The following ELP1 variants were observed in gnomAD, a reference collection of about 807,000 sequenced individuals.
The protein encoded by ELP1 is elongator complex protein 1.
A neutral mutation model predicts 183.2 loss-of-function variants in ELP1; 131 were observed. The ratio of observed to expected loss-of-function variants is 0.72; its 90% CI spans 0.62 to 0.83. The LOEUF is 0.83. Among genes scored for constraint, ELP1 ranks in the 40% least tolerant of loss-of-function variants. The pLI, the probability that ELP1 is intolerant of heterozygous loss-of-function variation, is 0.00. For missense variants in ELP1, 1,550 were observed against 1,594.9 expected, an observed-to-expected ratio of 0.97 and a Z score of 0.48; for synonymous variants, 555 against 569.0, an observed-to-expected ratio of 0.98 and a Z score of 0.35.
At chr9:108,878,553 C>T in intron 34 of ELP1, 70 bp downstream of exon 34, 1 of 1,599,404 alleles carries the variant, frequency 6.3e-7, no homozygotes, top group South Asian at 1.1e-5. Flanking sequence ...ACCTACTGAA[C>T]TCTGCCTGTC....
rs538433620 is a variant in ELP1 at position 108,868,933 on chromosome 9, T to C, written c.*182A>G. 4.5e-6 allele frequency: 3 copies of C among 670,818 alleles called. No homozygotes were observed. Among genetic ancestry groups the C allele is most frequent in the East Asian group, 5.4e-5 (2 of 37,070 alleles). 41.6% of individuals were successfully genotyped at this position (670,818 alleles called of 1,614,324 possible). A position where few individuals can be genotyped will look rare whatever the true frequency, so the allele number is the denominator to read the frequency against. On this transcript the variant is annotated 3_prime_UTR_variant, in exon 37 of 37. Coordinates refer to ENST00000374647, the MANE Select transcript of ELP1 (RefSeq NM_003640.5). ...ATGTCTTGCTAATGATCAAGATGTA[T>C]ACACAACATAAAATAAATAGAATTG...
Position 108,897,042 on chromosome 9 carries a change from A to G in ELP1, c.2502-4T>C. On this transcript the variant is annotated splice_region_variant and splice_polypyrimidine_tract_variant and intron_variant, in intron 23 of 36. Transcript: ENST00000374647. ...TGTAAGTATGGATAGGCAGTATCTGAGGTAATAAGTGAAGAACACCAGAAT... is the reference window on the plus strand; with the variant it reads ...TGTAAGTATGGATAGGCAGTATCTGGGGTAATAAGTGAAGAACACCAGAAT... 1.2e-6 allele frequency: 2 copies of G among 1,613,762 alleles called. No homozygotes were observed. The highest frequency in any genetic ancestry group is 2.7e-5 in the African/African-American group (2 of 75,044).
chr9:108,872,117 T>C (rs1403619748), intron 36 of ELP1, among the ~76,000 whole-genome samples: 1 of 152,238 alleles, frequency 6.6e-6, no homozygotes, highest in Non-Finnish European at 1.5e-5. Context: ...TTTACGATAT[T>C]ACATTAAACG....
Position 108,899,887 on chromosome 9 carries a change from C to G in ELP1, c.2139G>C (p.Arg713Ser). 6.2e-7 allele frequency: 1 copy of G among 1,613,792 alleles called. No homozygotes were observed. The highest frequency in any genetic ancestry group is 1.7e-5 in the Admixed American group (1 of 60,020). The part of the protein sequence containing the change: ...QDTKLVLQMP[R>S]GNLEVVHHRA... ...GATGATGAACAACTTCTAAGTTTCC[C>G]CTTGGCATCTTAAATAAATTAAAGC... The change falls in exon 20 of 37, where the codon AGG becomes AGC. Residue 713 changes from arginine (R) to serine (S), a missense_variant. By Grantham distance (110) the Arg-to-Ser change is moderately radical (BLOSUM62 -1). Transcript: ENST00000374647.
intron 35 of ELP1, among the ~76,000 whole-genome samples, chr9:108,875,200 G>C (rs150454857): frequency 6.6e-6 from 1 of 152,124 alleles, no homozygotes; most frequent in Non-Finnish European, 1.5e-5. Flanking sequence ...GGGGGGTGGA[G>C]GAAAAGAAAA....
chr9:108,879,755 CT>C (rs1426896634), intron 32 of ELP1, among the ~76,000 whole-genome samples, 198 bp from the exon 33 acceptor site: 2 of 152,112 alleles, frequency 1.3e-5, no homozygotes, highest in African/African-American at 2.4e-5. Context: ...GTTTCCTGAA[CT>C]TTTTTCTGGA....
chr9:108,886,470 A>C (rs912745812), intron 29 of ELP1, among the ~76,000 whole-genome samples: 3 of 152,206 alleles, frequency 2.0e-5, no homozygotes, highest in African/African-American at 7.2e-5. Flanking sequence ...AAGGGTAATA[A>C]ATCTATAATA....
rs915007230 is a variant in ELP1 at position 108,899,761 on chromosome 9, C to T, written c.2204+61G>A. On this transcript the variant is annotated intron_variant, in intron 20 of 36. Coordinates refer to ENST00000374647, the MANE Select transcript of ELP1 (RefSeq NM_003640.5). ...AAGTTCTCGAAATTGTAATAAAATACTTATTGTCTTCACACATAAATCACA... is the reference window on the plus strand; with the variant it reads ...AAGTTCTCGAAATTGTAATAAAATATTTATTGTCTTCACACATAAATCACA... 7.0e-6 allele frequency: 9 copies of T among 1,294,372 alleles called. No individual in the cohort carries two copies. The African/African-American group carries it at 1.2e-4, about 17-fold the overall frequency. The allele number at this position is 1,294,372 out of a possible 1,614,324, so 80.2% of individuals were successfully genotyped here.
Position 108,918,835 on chromosome 9 carries a change from C to A in ELP1, c.716G>T (p.Gly239Val). 7 of 1,614,060 alleles carry A rather than the reference C, an allele frequency of 4.3e-6. No homozygotes were observed. Among genetic ancestry groups the A allele is most frequent in the Non-Finnish European group, 5.9e-6 (7 of 1,179,956 alleles). ...ALQSTSEPVA[G>V]LGPALAWKPS... ...CTTCCAAGCCAGGGCTGGTCCCAGT[C>A]CTGCCACAGGCTCACTGGTTGACTG... The change falls in exon 8 of 37, where the codon GGA (glycine) becomes GTA (valine). Residue 239 changes from glycine (G) to valine (V), a missense_variant. Gly to Val is a moderately radical substitution (Grantham distance 109, BLOSUM62 -3). Transcript: ENST00000374647.
intron 3 of ELP1, among the ~76,000 whole-genome samples, chr9:108,929,467 G>C (rs1207702023): frequency 2.4e-5 from 3 of 124,102 alleles, no homozygotes; most frequent in Admixed American, 7.8e-5. Context: ...ATGAGGGTCT[G>C]ATAAGAGGTG....
intron 16 of ELP1, among the ~76,000 whole-genome samples, chr9:108,902,626 C>G (rs1221024964): frequency 6.6e-6 from 1 of 152,200 alleles, no homozygotes; most frequent in East Asian, 1.9e-4. Context: ...TATATTATCT[C>G]ATTTAGTCTT....
chr9:108,877,961 GA>G, intron 35 of ELP1, 33 bp downstream of exon 35: 1 of 1,612,704 alleles, frequency 6.2e-7, no homozygotes, highest in Non-Finnish European at 8.5e-7. Flanking sequence ...TGAAAATGAT[GA>G]AAAAAATGCA....
chr9:108,897,941 A>G (rs1828619688), intron 22 of ELP1, among the ~76,000 whole-genome samples: 1 of 152,212 alleles, frequency 6.6e-6, no homozygotes, highest in East Asian at 1.9e-4. Flanking sequence ...ACCAACCCAT[A>G]CACAAAGAAT....
At chr9:108,906,080 T>C (rs896482680) in intron 14 of ELP1, among the ~76,000 whole-genome samples, 2 of 152,228 alleles carry the variant, frequency 1.3e-5, no homozygotes, top group Admixed American at 6.5e-5. Flanking sequence ...AGTTGCTTCA[T>C]CTACTAATAT....
chr9:108,927,547 C>T (rs1050001749), intron 3 of ELP1, 94 bp from the exon 4 acceptor site: 33 of 950,638 alleles, frequency 3.5e-5, no homozygotes, highest in Admixed American at 1.9e-4. Context: ...AAAAACAAAA[C>T]GAAAAGACAT....
intron 26 of ELP1, among the ~76,000 whole-genome samples, chr9:108,893,427 T>C (rs1237871224): frequency 6.6e-6 from 1 of 152,164 alleles, no homozygotes; most frequent in Non-Finnish European, 1.5e-5. Flanking sequence ...TCTCCAAGGA[T>C]GCCAGCAGCT....
intron 12 of ELP1, among the ~76,000 whole-genome samples, chr9:108,910,249 C>A (rs754591681): frequency 1.3e-4 from 20 of 152,126 alleles, no homozygotes; most frequent in African/African-American, 1.7e-4. Context: ...GGTGATACAT[C>A]CAGATAGGAT....
chr9:108,881,979 A>C (rs1827947123), intron 30 of ELP1, 146 bp downstream of exon 30: 1 of 709,894 alleles, frequency 1.4e-6, no homozygotes, highest in Non-Finnish European at 2.5e-6. Context: ...GATTTTAAAA[A>C]CACCGCTTTT....
At position 108,912,285 on chromosome 9, in the gene ELP1, T is replaced by C. The variant is rs779202159; in HGVS notation, c.1168A>G (p.Asn390Asp). 3.1e-6 allele frequency: 5 copies of C among 1,614,168 alleles called. No individual in the cohort carries two copies. The Admixed American group carries it at 5.0e-5, about 16-fold the overall frequency. ...SVGDNSSDLS[N>D]VAVIDGNRVL... ...TTACTTCCATCAATGACAGCCACATTGGACAAGTCACTTGAATTATCTCCC... is the reference window on the plus strand; with the variant it reads ...TTACTTCCATCAATGACAGCCACATCGGACAAGTCACTTGAATTATCTCCC... Residue 390 changes from asparagine (N) to aspartate (D), a missense_variant, in exon 11 of 37, where the codon AAT becomes GAT. Transcript: ENST00000374647.
Sources: allele counts gnomAD v4.1 joint callset (sites outside exome capture counted in the v4.1 genomes callset), GRCh38; gene constraint gnomAD v4.1.1; transcripts MANE v1.5; gene names NCBI Gene and HGNC (gene_info 2026-07-23, HGNC 2026-07-21).